The following RBFOX1 variants were observed in gnomAD, a reference collection of about 807,000 sequenced individuals.
RBFOX1 encodes RNA binding protein fox-1 homolog 1.
A neutral mutation model predicts 57.7 loss-of-function variants in RBFOX1; 8 were observed. The ratio of observed to expected loss-of-function variants is 0.14; its 90% confidence interval spans 0.08 to 0.25. The LOEUF is 0.25. RBFOX1 is among the 10% of genes least tolerant of loss of function. The probability of loss-of-function intolerance (pLI) is 1.00; values close to 1 mark genes in which losing one functional copy is unlikely to be tolerated. For synonymous variants in RBFOX1, 326 were observed against 222.4 expected (o/e 1.47, Z -4.15); for missense variants, 611 against 548.5 (o/e 1.11, Z -1.14).
chr16:7,151,298 C>T (rs2076063174), intron 4 of RBFOX1, among the ~76,000 whole-genome samples: 1 of 152,176 alleles, frequency 6.6e-6, no homozygotes, highest in African/African-American at 2.4e-5. Flanking sequence ...TTACAGTCAA[C>T]AGAAACCAAA....
chr16:6,716,035 C>T (rs925239879), intron 3 of RBFOX1, among the ~76,000 whole-genome samples: 5 of 152,062 alleles, frequency 3.3e-5, no homozygotes, highest in Admixed American at 6.5e-5. Context: ...AAGCCACTTA[C>T]GGTTTTGTGA....
At chr16:6,176,489 G>T (rs1191953313) in intron 1 of RBFOX1, among the ~76,000 whole-genome samples, 1 of 149,966 alleles carries the variant, frequency 6.7e-6, no homozygotes, top group African/African-American at 2.5e-5. Context: ...TAAAGTTGCT[G>T]TGCCTCCTTT....
chr16:6,650,326 G>A (rs1239963745), intron 2 of RBFOX1, among the ~76,000 whole-genome samples: 4 of 151,722 alleles, frequency 2.6e-5, no homozygotes, highest in Non-Finnish European at 5.9e-5. Flanking sequence ...TCTTCCCATA[G>A]CAAGGAAAAG....
chr16:5,431,525 C>A (rs2067733759), intron 1 of RBFOX1, among the ~76,000 whole-genome samples: 1 of 152,032 alleles, frequency 6.6e-6, no homozygotes, highest in Admixed American at 6.6e-5. Flanking sequence ...CAGGCACCCA[C>A]CACCATGCCC....
intron 3 of RBFOX1, among the ~76,000 whole-genome samples, chr16:7,037,231 T>C (rs1032360605): frequency 7.4e-6 from 1 of 134,600 alleles, no homozygotes; most frequent in Non-Finnish European, 1.6e-5. Context: ...TTAGCCTCTT[T>C]TTTTTTTTTT....
chr16:7,274,832 G>A (rs1017626432), intron 4 of RBFOX1, among the ~76,000 whole-genome samples: 1 of 151,924 alleles, frequency 6.6e-6, no homozygotes, highest in Admixed American at 6.6e-5. Context: ...TTACAGGTGT[G>A]TGCCACCACA....
chr16:6,291,002 A>G (rs542090574), intron 1 of RBFOX1, among the ~76,000 whole-genome samples: 13 of 152,280 alleles, frequency 8.5e-5, no homozygotes, highest in African/African-American at 2.9e-4. Context: ...GATATGCCAA[A>G]CAAGGGGTGT....
chr16:6,517,400 G>C (rs1308061784), intron 2 of RBFOX1, among the ~76,000 whole-genome samples: 3 of 152,238 alleles, frequency 2.0e-5, no homozygotes, highest in Non-Finnish European at 1.5e-5. Context: ...AGGCATGACA[G>C]TTTATTACTC....
At chr16:7,209,172 TAATAATA>T in intron 4 of RBFOX1, among the ~76,000 whole-genome samples, 1 of 146,914 alleles carries the variant, frequency 6.8e-6, no homozygotes, top group Non-Finnish European at 1.5e-5. Context: ...ATAATAATAA[TAATAATA>T]ATAATAATTG....
chr16:7,195,958 C>T (rs2086596385), intron 4 of RBFOX1, among the ~76,000 whole-genome samples: 2 of 152,016 alleles, frequency 1.3e-5, no homozygotes, highest in South Asian at 2.1e-4. Context: ...TTCTCTACTG[C>T]CACACTGCTA....
chr16:6,795,636 G>C (rs768659458), intron 3 of RBFOX1, among the ~76,000 whole-genome samples: 1 of 151,828 alleles, frequency 6.6e-6, no homozygotes, highest in Non-Finnish European at 1.5e-5. Context: ...CATGGTTGGG[G>C]GTGCCTGTAA....
chr16:6,522,691 A>C (rs1336743438), intron 2 of RBFOX1, among the ~76,000 whole-genome samples: 1 of 152,186 alleles, frequency 6.6e-6, no homozygotes, highest in Non-Finnish European at 1.5e-5. Flanking sequence ...ACAGTACCTA[A>C]GAAACAGTGA....
intron 2 of RBFOX1, among the ~76,000 whole-genome samples, chr16:5,536,866 T>C (rs913941843): frequency 6.6e-6 from 1 of 152,108 alleles, no homozygotes; most frequent in African/African-American, 2.4e-5. Context: ...ACCATACAAA[T>C]GAAGGTTTAT....
intron 3 of RBFOX1, among the ~76,000 whole-genome samples, chr16:5,827,402 GGAAAAA>G (rs946590755): frequency 3.0e-5 from 3 of 100,476 alleles, no homozygotes; most frequent in African/African-American, 1.1e-4. Flanking sequence ...TCCATCTCAG[GGAAAAA>G]AAAAAAAAAA....
intron 4 of RBFOX1, among the ~76,000 whole-genome samples, chr16:7,201,266 C>A (rs1465654053): frequency 6.6e-6 from 1 of 152,078 alleles, no homozygotes; most frequent in East Asian, 1.9e-4. Context: ...AGCAACACAG[C>A]ATAGCAGAGA....
intron 11 of RBFOX1, among the ~76,000 whole-genome samples, chr16:7,650,969 GT>G (rs1226858724): frequency 6.6e-6 from 1 of 152,176 alleles, no homozygotes; most frequent in Admixed American, 6.6e-5. Flanking sequence ...CGTCTCTGCG[GT>G]TTCAAGCATA....
intron 1 of RBFOX1, among the ~76,000 whole-genome samples, chr16:5,340,547 A>G (rs973587677): frequency 6.6e-6 from 1 of 152,182 alleles, no homozygotes. Flanking sequence ...ACAGTTAAAG[A>G]ACACATTCAT....
intron 2 of RBFOX1, among the ~76,000 whole-genome samples, chr16:6,637,609 G>A (rs1275183685): frequency 5.2e-5 from 2 of 38,810 alleles, no homozygotes; most frequent in South Asian, 1.3e-3. Context: ...ATTAGAATGT[G>A]CATTTAACTT....
Position 6,145,583 on chromosome 16 carries a change from C to G in RBFOX1, c.-127+125591C>G, listed in dbSNP as rs375645403. On this transcript the variant is annotated intron_variant, in intron 1 of 15. Transcript: ENST00000550418. Reference sequence around the variant, plus strand: ...GGGATTGCTGAAAATCCTATATTTCCTTTGGCATATTTCATTTTATCCAGA... The same window carrying G: ...GGGATTGCTGAAAATCCTATATTTCGTTTGGCATATTTCATTTTATCCAGA... Among the ~76,000 whole-genome samples the G allele has an allele frequency of 7.9e-5, 12 of 152,184 alleles. No individual in the cohort carries two copies. The East Asian group carries it at 1.9e-3, about 24-fold the overall frequency.
Sources: gnomAD v4.1 joint callset for allele counts (sites outside exome capture counted in the v4.1 genomes callset) on GRCh38, gnomAD v4.1.1 for gene constraint, MANE v1.5 for transcripts, NCBI Gene and HGNC (gene_info 2026-07-23, HGNC 2026-07-21) for gene names.